NOC3L: variants seen among roughly 807,000 people sequenced by gnomAD.
The protein encoded by NOC3L is NOC3 like DNA replication regulator.
In NOC3L, 85 loss-of-function variants were observed where a neutral mutation model predicts 102.5. The observed-to-expected ratio is 0.83, with a 90% CI of 0.70 to 0.99. NOC3L has a LOEUF of 0.99. NOC3L is among the 50% of genes least tolerant of loss of function. The pLI is 0.00. For synonymous variants in NOC3L, 303 were observed against 309.4 expected (o/e 0.98, Z 0.22); for missense variants, 878 against 914.9 (o/e 0.96, Z 0.52).
At position 94,346,464 on chromosome 10, in the gene NOC3L, G is replaced by C. The variant is rs374038313; in HGVS notation, c.1350C>G (p.Phe450Leu). ...TTGATAGAGATTTTCTCTTTTCTTT[G>C]AAAGTCATAAATTTTTTTGGTTTAT... ...DINKPKKFMTFKEKRKSLSRM... is the reference protein window; with the variant it reads ...DINKPKKFMTLKEKRKSLSRM... Residue 450 changes from phenylalanine to leucine, a missense_variant, in exon 11 of 21, where the codon TTC becomes TTG. Transcript: ENST00000371361. 6.3e-5 allele frequency: 96 copies of C among 1,513,168 alleles called. No homozygotes were observed. The highest frequency in any genetic ancestry group is 7.7e-5 in the Non-Finnish European group (87 of 1,127,616). The allele number at this position is 1,513,168 out of a possible 1,614,324, so 93.7% of individuals were successfully genotyped here. A position where few individuals can be genotyped will look rare whatever the true frequency, so the allele number is the denominator to read the frequency against.
intron 14 of NOC3L, among the ~76,000 whole-genome samples, chr10:94,340,704 G>A (rs561381426): frequency 1.9e-4 from 29 of 152,062 alleles, no homozygotes; most frequent in Non-Finnish European, 2.8e-4. Context: ...TCTCAGGGCC[G>A]GGCGCGGTGG....
In NOC3L at chr10:94,337,829, C is replaced by T. The variant is rs780931270; in HGVS notation, c.2137G>A (p.Ala713Thr). 1.2e-5 allele frequency: 19 copies of T among 1,613,866 alleles called. No individual in the cohort carries two copies. The highest frequency in any genetic ancestry group is 4.5e-5 in the East Asian group (2 of 44,886). ...CCAGAGCCTTCAGAAGGTGCTCCAG[C>T]GATCAGGTGGGCTGCAAATCTCTGC... ...IVQRFAAHLIAGAPSEGSGAL... is the reference protein window; with the variant it reads ...IVQRFAAHLITGAPSEGSGAL... The change falls in exon 19 of 21, where the codon GCT becomes ACT. Residue 713 changes from alanine to threonine, a missense_variant. Coordinates refer to ENST00000371361, the MANE Select transcript of NOC3L (RefSeq NM_022451.11).
chr10:94,346,054 A>T (rs1217446027), intron 11 of NOC3L, among the ~76,000 whole-genome samples: 1 of 152,224 alleles, frequency 6.6e-6, no homozygotes, highest in Non-Finnish European at 1.5e-5. Context: ...TTAAAATACA[A>T]ACCAACAAAG....
chr10:94,336,681 T>C lies in NOC3L; in HGVS notation c.2189+1096A>G, dbSNP rs191115389. Reference sequence around the variant, plus strand: ...TTTATAAGTTACCCAGTCTTAGGCATTTTTTATGGCACCATAAATGGACTG... The same window carrying C: ...TTTATAAGTTACCCAGTCTTAGGCACTTTTTATGGCACCATAAATGGACTG... On this transcript the variant is annotated intron_variant, in intron 19 of 20. Transcript: ENST00000371361. 1.4e-3 allele frequency among the ~76,000 whole-genome samples: 207 copies of C among 152,102 alleles called. 1 individual carries two copies. Among genetic ancestry groups the C allele is most frequent in the Non-Finnish European group, 2.3e-3 (158 of 67,968 alleles).
downstream of NOC3L, chr10:94,330,247 G>C (rs187215475): frequency 2.6e-5 from 4 of 152,340 alleles, no homozygotes; most frequent in East Asian, 7.7e-4. Flanking sequence ...GTTGAGACCA[G>C]GTTGTTTAGC....
chr10:94,316,588 CTAT>C, the NOC3L span: 1 of 1,609,070 alleles, frequency 6.2e-7, no homozygotes, highest in Non-Finnish European at 8.5e-7. Flanking sequence ...TTACCACAGA[CTAT>C]TTTTTGATGG....
At chr10:94,342,908 A>T (rs1275464116) in intron 13 of NOC3L, among the ~76,000 whole-genome samples, 1 of 151,976 alleles carries the variant, frequency 6.6e-6, no homozygotes, top group African/African-American at 2.4e-5. Context: ...AACATGAGGA[A>T]ACCCCATCTT....
At chr10:94,321,095 T>G in the NOC3L span, among the ~76,000 whole-genome samples, 3 of 152,198 alleles carry the variant, frequency 2.0e-5, no homozygotes, top group Non-Finnish European at 2.9e-5. Context: ...TTGTCAAAAT[T>G]TGTTTCAATG....
chr10:94,361,895 C>T, intron 1 of NOC3L, 23 bp from the exon 2 acceptor site: 3 of 1,515,670 alleles, frequency 2.0e-6, no homozygotes, highest in Non-Finnish European at 9.1e-7. Context: ...AGAAAGAATA[C>T]TGCATACCCA....
chr10:94,342,978 G>A (rs935788123), intron 13 of NOC3L, among the ~76,000 whole-genome samples: 2 of 151,722 alleles, frequency 1.3e-5, no homozygotes, highest in Non-Finnish European at 2.9e-5. Flanking sequence ...TCAGCTACTC[G>A]AGAGGCTGAG....
chr10:94,337,926 A>G, intron 18 of NOC3L, 52 bp from the exon 19 acceptor site: 5 of 1,324,078 alleles, frequency 3.8e-6, no homozygotes, highest in Non-Finnish European at 5.4e-6. Context: ...CCTTTACAAA[A>G]AACACTAGCC....
the NOC3L span, chr10:94,321,795 G>C: frequency 1.3e-6 from 1 of 783,998 alleles, no homozygotes; most frequent in Non-Finnish European, 2.2e-6. Flanking sequence ...ATTAAGCTAA[G>C]AAGTTTCTAC....
intron 2 of NOC3L, 154 bp downstream of exon 2, chr10:94,361,511 T>A: frequency 1.5e-6 from 1 of 654,782 alleles, no homozygotes; most frequent in South Asian, 1.9e-5. Flanking sequence ...AAAGCATATA[T>A]GCTTTATAGC....
At chr10:94,350,011 G>A (rs1241694355) in intron 9 of NOC3L, 102 bp downstream of exon 9, 29 of 1,055,938 alleles carry the variant, frequency 2.7e-5, no homozygotes, top group Non-Finnish European at 4.0e-5. Context: ...GCCTGCCTCG[G>A]CCTCCCAAAG....
chr10:94,325,176 T>C, the NOC3L span: 2 of 1,075,888 alleles, frequency 1.9e-6, no homozygotes, highest in Non-Finnish European at 2.9e-6. Flanking sequence ...GCATAATTAG[T>C]ACAATGTCTT....
intron 19 of NOC3L, among the ~76,000 whole-genome samples, chr10:94,335,028 G>A (rs2054202808): frequency 6.6e-6 from 1 of 152,210 alleles, no homozygotes; most frequent in African/African-American, 2.4e-5. Flanking sequence ...ATGCAACTAA[G>A]TATATCTTAG....
intron 11 of NOC3L, 22 bp from the exon 12 acceptor site, chr10:94,344,955 A>C: frequency 6.4e-7 from 1 of 1,566,204 alleles, no homozygotes; most frequent in African/African-American, 1.4e-5. Context: ...TTGAAAAACA[A>C]AAATCTAAGA....
intron 1 of NOC3L, 49 bp downstream of exon 1, chr10:94,362,781 A>C (rs1041493710): frequency 1.2e-6 from 2 of 1,609,082 alleles, no homozygotes; most frequent in African/African-American, 2.7e-5. Flanking sequence ...TGACTCTATC[A>C]CCCGAAGGGG....
In NOC3L at chr10:94,339,773, A is replaced by G. The variant is rs2054260452; in HGVS notation, c.1928T>C (p.Ile643Thr). ...TATTCTGGTAGTTGCTAAAATGCCA[A>G]TACTTGAATTTGGAAGAACATGAAG... ...LALHVLPNSS[I>T]GILATTRILM... Residue 643 changes from isoleucine to threonine, a missense_variant, in exon 17 of 21, where the codon ATT becomes ACT. By Grantham distance (89) the Ile-to-Thr change is moderately conservative (BLOSUM62 -1). Coordinates refer to ENST00000371361, the MANE Select transcript of NOC3L (RefSeq NM_022451.11). 1 of 1,614,000 alleles carries G rather than the reference A, an allele frequency of 6.2e-7. No individual in the cohort carries two copies. The highest frequency in any genetic ancestry group is 1.7e-5 in the Admixed American group (1 of 59,978).
Sources: gnomAD v4.1 joint callset for allele counts (sites outside exome capture counted in the v4.1 genomes callset) on GRCh38, gnomAD v4.1.1 for gene constraint, MANE v1.5 for transcripts, NCBI Gene and HGNC (gene_info 2026-07-23, HGNC 2026-07-21) for gene names.